The following ZMYND8 variants were observed in gnomAD, a reference collection of about 807,000 sequenced individuals.
The protein encoded by ZMYND8 is zinc finger MYND-type containing 8.
A neutral mutation model predicts 140.8 loss-of-function variants in ZMYND8; 37 were observed. The ratio of observed to expected loss-of-function variants is 0.26; its 90% confidence interval spans 0.20 to 0.35. The LOEUF is 0.35. Ranked by LOEUF, ZMYND8 falls within the 10% of genes least tolerant of loss-of-function variation. The probability of loss-of-function intolerance (pLI) is 1.00; values close to 1 mark genes in which losing one functional copy is unlikely to be tolerated. For synonymous variants in ZMYND8, 592 were observed against 597.1 expected (o/e 0.99, Z 0.12); for missense variants, 1,068 against 1,570.0 (o/e 0.68, Z 5.40).
intron 3 of ZMYND8, among the ~76,000 whole-genome samples, chr20:47,302,551 A>C (rs1330222340): frequency 6.6e-6 from 1 of 152,160 alleles, no homozygotes; most frequent in African/African-American, 2.4e-5. Context: ...AATAAAAAAA[A>C]ACACTTCTGG....
chr20:47,306,344 G>T (rs1204117343), intron 3 of ZMYND8, among the ~76,000 whole-genome samples: 1 of 152,042 alleles, frequency 6.6e-6, no homozygotes, highest in African/African-American at 2.4e-5. Flanking sequence ...GCAGAGCCGG[G>T]GAGGTTGAGG....
chr20:47,250,621 C>G lies in ZMYND8; in HGVS notation c.1622-1182G>C, dbSNP rs1034363020. 5.3e-5 allele frequency among the ~76,000 whole-genome samples: 8 copies of G among 152,370 alleles called. No individual in the cohort carries two copies. In the South Asian group the frequency reaches 6.2e-4, roughly 12 times the overall value. On this transcript the variant is annotated intron_variant, in intron 12 of 22. Coordinates refer to ENST00000471951, the MANE Select transcript of ZMYND8 (RefSeq NM_001281775.3). ...TGTGAAAGAGGCCCCAGAATCTAGT[C>G]TGAGAGCTGGGCTGGAAGCACTGTT... is the stretch of plus-strand genomic sequence containing the variant.
chr20:47,346,211 G>A (rs577066736), intron 2 of ZMYND8, among the ~76,000 whole-genome samples: 131 of 151,974 alleles, frequency 8.6e-4, no homozygotes, highest in Non-Finnish European at 1.5e-3. Context: ...ACTTTGCCCC[G>A]TCTCCTGCTG....
At position 47,349,790 on chromosome 20, in the gene ZMYND8, A is replaced by G. The variant is rs1369912231; in HGVS notation, c.15-1864T>C. The G allele has an allele frequency of 6.5e-6, 10 of 1,526,730 alleles. No homozygotes were observed. The African/African-American group carries it at 1.4e-4, about 21-fold the overall frequency. The allele number at this position is 1,526,730 out of a possible 1,614,324, so 94.6% of individuals were successfully genotyped here. ...ATTTTGAGTAATAGAGAAAACGCTA[A>G]TCTGTGATCCAACTGAAATCTACAG... is the stretch of plus-strand genomic sequence containing the variant. On this transcript the variant is annotated intron_variant, in intron 1 of 22. Transcript: ENST00000471951.
intron 8 of ZMYND8, among the ~76,000 whole-genome samples, chr20:47,286,865 C>T (rs528852028): frequency 6.6e-6 from 1 of 152,212 alleles, no homozygotes; most frequent in African/African-American, 2.4e-5. Flanking sequence ...ATATCAAATC[C>T]TCTTCTGCAA....
rs573049774 is a variant in ZMYND8, at chr20:47,310,926, C to T, written c.86-722G>A. On this transcript the variant is annotated intron_variant, in intron 2 of 22. Coordinates refer to ENST00000471951, the MANE Select transcript of ZMYND8 (RefSeq NM_001281775.3). ...CCCACTACGTCCCTGCTGATGAGAC[C>T]GAGGCCAACCTGCCAACAGTCATCA... 5.2e-3 allele frequency among the ~76,000 whole-genome samples: 796 copies of T among 152,192 alleles called. 7 individuals are homozygous for T. The highest frequency in any genetic ancestry group is 0.018 in the African/African-American group (751 of 41,522).
At chr20:47,245,561 T>C (rs1293667485) in intron 14 of ZMYND8, among the ~76,000 whole-genome samples, 1 of 152,238 alleles carries the variant, frequency 6.6e-6, no homozygotes, top group Non-Finnish European at 1.5e-5. Context: ...TGAACACTCC[T>C]AACCGTTTGA....
chr20:47,315,600 C>T (rs897501740), intron 2 of ZMYND8, among the ~76,000 whole-genome samples: 6 of 152,072 alleles, frequency 3.9e-5, no homozygotes, highest in Middle Eastern at 3.2e-3. Context: ...TGACTGTAGC[C>T]GTGGTACCCA....
intron 12 of ZMYND8, 119 bp from the exon 13 acceptor site, chr20:47,249,558 T>G: frequency 7.4e-7 from 1 of 1,359,390 alleles, no homozygotes; most frequent in Admixed American, 2.4e-5. Flanking sequence ...GGGGAGATAC[T>G]TTTTTTGTCA....
intron 12 of ZMYND8, among the ~76,000 whole-genome samples, chr20:47,252,240 C>T (rs1388730596): frequency 7.4e-6 from 1 of 135,286 alleles, no homozygotes; most frequent in African/African-American, 2.9e-5. Flanking sequence ...TTGCAGTGAG[C>T]GAGATCGCAC....
intron 8 of ZMYND8, among the ~76,000 whole-genome samples, chr20:47,286,991 G>C (rs2076963700): frequency 6.6e-6 from 1 of 152,130 alleles, no homozygotes; most frequent in Non-Finnish European, 1.5e-5. Context: ...GGTGACTCAA[G>C]GGTAAAAAAC....
At chr20:47,295,017 A>G (rs2077550825) in intron 4 of ZMYND8, among the ~76,000 whole-genome samples, 2 of 152,240 alleles carry the variant, frequency 1.3e-5, no homozygotes, top group African/African-American at 4.8e-5. Context: ...GGAAGACGAC[A>G]TGATCTGAGA....
chr20:47,338,385 G>A (rs555358440), intron 2 of ZMYND8, among the ~76,000 whole-genome samples: 2 of 152,106 alleles, frequency 1.3e-5, no homozygotes, highest in Non-Finnish European at 2.9e-5. Flanking sequence ...TCATGTCACA[G>A]GGGAACAGAG....
At chr20:47,322,502 G>A (rs905174307) in intron 2 of ZMYND8, among the ~76,000 whole-genome samples, 9 of 147,226 alleles carry the variant, frequency 6.1e-5, no homozygotes, top group African/African-American at 1.5e-4. Context: ...GTGCAGTGGC[G>A]CGATCTTGGC....
At chr20:47,255,262 A>AG (rs764342799) in intron 12 of ZMYND8, among the ~76,000 whole-genome samples, 44 of 152,176 alleles carry the variant, frequency 2.9e-4, no homozygotes, top group Non-Finnish European at 5.3e-4. Flanking sequence ...GTGCAGGAAC[A>AG]GGGGTATAGA....
Position 47,324,359 on chromosome 20 carries a change from A to C in ZMYND8, c.86-14155T>G, listed in dbSNP as rs961841617. ...TGGTAAAACCCCATCTCTACTAAAA[A>C]ATACAAAAAATTAGCCAGGCATGGT... On this transcript the variant is annotated intron_variant, in intron 2 of 22. Coordinates refer to ENST00000471951, the MANE Select transcript of ZMYND8 (RefSeq NM_001281775.3). Among the ~76,000 whole-genome samples the C allele has an allele frequency of 7.3e-5, 11 of 151,494 alleles. No homozygotes were observed. In the East Asian group the frequency reaches 1.8e-3, roughly 24 times the overall value.
At chr20:47,347,699 A>C (rs1341943236) in intron 2 of ZMYND8, among the ~76,000 whole-genome samples, 157 bp downstream of exon 2, 2 of 152,272 alleles carry the variant, frequency 1.3e-5, no homozygotes, top group African/African-American at 4.8e-5. Context: ...GTTCTCCATC[A>C]ATTAGGTTCA....
intron 2 of ZMYND8, among the ~76,000 whole-genome samples, chr20:47,330,309 C>T (rs1329184270): frequency 6.6e-6 from 1 of 151,952 alleles, no homozygotes; most frequent in Non-Finnish European, 1.5e-5. Context: ...CCCACCTCAG[C>T]CTCCCAAGTA....
intron 15 of ZMYND8, among the ~76,000 whole-genome samples, chr20:47,236,831 A>G (rs2039298741): frequency 6.6e-6 from 1 of 152,170 alleles, no homozygotes; most frequent in Admixed American, 6.5e-5. Flanking sequence ...GTTCCAGCCA[A>G]CACCTGAAGA....
Sources: gnomAD v4.1 joint callset for allele counts (sites outside exome capture counted in the v4.1 genomes callset) on GRCh38, gnomAD v4.1.1 for gene constraint, MANE v1.5 for transcripts, NCBI Gene and HGNC (gene_info 2026-07-23, HGNC 2026-07-21) for gene names.